Variants in POLA1 observed in about 807,000 individuals in gnomAD.
The protein encoded by POLA1 is DNA polymerase alpha 1, catalytic subunit, also known as DNA polymerase alpha catalytic subunit.
POLA1 carries 15 observed loss-of-function variants against 124.0 expected under a neutral mutation model. That is an observed-to-expected ratio of 0.12 (90% CI 0.08 to 0.19). POLA1 has a LOEUF of 0.19. Ranked by LOEUF, POLA1 falls within the 10% of genes least tolerant of loss-of-function variation. The probability of loss-of-function intolerance (pLI) is 1.00; values close to 1 mark genes in which losing one functional copy is unlikely to be tolerated. For synonymous variants in POLA1, 408 were observed against 389.4 expected (o/e 1.05, Z -0.56); for missense variants, 886 against 1,103.4 (o/e 0.80, Z 2.79).
chrX:24,929,299 C>A (rs2147211906), intron 35 of POLA1, among the ~76,000 whole-genome samples: 1 of 112,279 alleles, frequency 8.9e-6, no homozygotes, highest in African/African-American at 3.2e-5. Flanking sequence ...TCTGTGTGTG[C>A]CACCTGGCCT....
intron 29 of POLA1, 87 bp from the exon 30 acceptor site, chrX:24,814,892 A>G: frequency 4.9e-6 from 4 of 821,307 alleles, no homozygotes; most frequent in Non-Finnish European, 6.6e-6. Context: ...ATCTAATGGC[A>G]TTTCTCTTCC....
intron 1 of POLA1, among the ~76,000 whole-genome samples, chrX:24,697,862 C>T (rs762739740): frequency 1.8e-5 from 2 of 110,941 alleles, no homozygotes; most frequent in South Asian, 3.8e-4. Flanking sequence ...AGCCTAAACT[C>T]GTAGTTGACA....
chrX:24,890,132 G>C (rs1257459199), intron 35 of POLA1, among the ~76,000 whole-genome samples: 1 of 106,959 alleles, frequency 9.3e-6, no homozygotes, highest in Non-Finnish European at 1.9e-5. Context: ...CTGTTGCCCA[G>C]GCTGGAATGC....
At chrX:24,742,668 A>C (rs1569291983) in intron 22 of POLA1, among the ~76,000 whole-genome samples, 2 of 111,842 alleles carry the variant, frequency 1.8e-5, no homozygotes, top group Non-Finnish European at 3.8e-5. Context: ...CTTGTTTTTT[A>C]ATGTACATTA....
chrX:24,818,647 A>G (rs2046034687), intron 30 of POLA1, among the ~76,000 whole-genome samples: 1 of 112,316 alleles, frequency 8.9e-6, no homozygotes, highest in Non-Finnish European at 1.9e-5. Flanking sequence ...CTCGATATTT[A>G]GTGTGTTAGA....
intron 26 of POLA1, among the ~76,000 whole-genome samples, chrX:24,803,771 C>CA (rs2045754514): frequency 9.2e-6 from 1 of 108,991 alleles, no homozygotes; most frequent in African/African-American, 3.3e-5. Flanking sequence ...TTCTACATGT[C>CA]AAAGTTGGAT....
At chrX:24,723,369 C>A in intron 11 of POLA1, 102 bp downstream of exon 11, 1 of 519,389 alleles carries the variant, frequency 1.9e-6, no homozygotes, top group South Asian at 3.0e-5. Flanking sequence ...TACAAATTCT[C>A]TACAATCCTG....
intron 36 of POLA1, among the ~76,000 whole-genome samples, chrX:24,992,008 C>T (rs761720131): frequency 4.8e-4 from 53 of 111,497 alleles, no homozygotes; most frequent in Non-Finnish European, 7.7e-4. Flanking sequence ...TATTTCTTTT[C>T]ATTTCTTACT....
chrX:24,957,794 G>A (rs964691155), intron 36 of POLA1, among the ~76,000 whole-genome samples: 2 of 110,861 alleles, frequency 1.8e-5, no homozygotes, highest in Non-Finnish European at 1.9e-5. Context: ...CAGAGAAGGG[G>A]CATGGCAGGA....
intron 34 of POLA1, among the ~76,000 whole-genome samples, chrX:24,873,189 T>C (rs1384410568): frequency 8.9e-6 from 1 of 111,927 alleles, no homozygotes; most frequent in East Asian, 2.8e-4. Context: ...GCTCCACTTA[T>C]TTTGGAAGAC....
At chrX:24,902,448 A>G (rs2047295784) in intron 35 of POLA1, among the ~76,000 whole-genome samples, 1 of 112,286 alleles carries the variant, frequency 8.9e-6, no homozygotes, top group Non-Finnish European at 1.9e-5. Context: ...TAGAAACAGT[A>G]GATTGAAGTT....
chrX:24,825,310 C>CA (rs780125361), intron 31 of POLA1, among the ~76,000 whole-genome samples: 183 of 112,190 alleles, frequency 1.6e-3, no homozygotes, highest in Non-Finnish European at 2.8e-3. Flanking sequence ...GGTTGATAAA[C>CA]AGGCCCAGGT....
chrX:24,737,078 A>T (rs1334221918), intron 18 of POLA1, among the ~76,000 whole-genome samples: 1 of 111,624 alleles, frequency 9.0e-6, no homozygotes, highest in African/African-American at 3.3e-5. Context: ...CAAGTTTCTT[A>T]TTTGAACTAT....
chrX:24,949,965 C>G (rs2048014644), intron 36 of POLA1, among the ~76,000 whole-genome samples: 3 of 110,811 alleles, frequency 2.7e-5, no homozygotes, highest in Admixed American at 9.6e-5. Context: ...AACTCCTGAC[C>G]TTGTGATCCG....
chrX:24,934,501 T>C (rs1189358467), intron 36 of POLA1, among the ~76,000 whole-genome samples: 1 of 112,475 alleles, frequency 8.9e-6, no homozygotes, highest in Non-Finnish European at 1.9e-5. Flanking sequence ...CTTCAGTGTT[T>C]GATCTTTCTT....
intron 36 of POLA1, among the ~76,000 whole-genome samples, chrX:24,974,102 G>A (rs1331777411): frequency 9.0e-6 from 1 of 110,767 alleles, no homozygotes; most frequent in African/African-American, 3.3e-5. Flanking sequence ...AGTATTTATT[G>A]GACACATGGG....
intron 13 of POLA1, 94 bp from the exon 14 acceptor site, chrX:24,726,839 A>G: frequency 1.5e-6 from 1 of 646,496 alleles, no homozygotes. Flanking sequence ...TCTGTGCTTC[A>G]TAGAGAGGCT....
At chrX:24,930,849 AGT>A (rs2047766087) in intron 36 of POLA1, among the ~76,000 whole-genome samples, 1 of 112,640 alleles carries the variant, frequency 8.9e-6, no homozygotes, top group Non-Finnish European at 1.9e-5. Context: ...TACAGAGTTT[AGT>A]AACTGTAATA....
chrX:24,913,825 C>T (rs923997778), intron 35 of POLA1, among the ~76,000 whole-genome samples: 2 of 109,770 alleles, frequency 1.8e-5, no homozygotes, highest in Non-Finnish European at 3.8e-5. Flanking sequence ...ATCGGGAGTT[C>T]GAGACCAACG....
Sources: gnomAD v4.1 joint callset for allele counts (sites outside exome capture counted in the v4.1 genomes callset) on GRCh38, gnomAD v4.1.1 for gene constraint, MANE v1.5 for transcripts, NCBI Gene and HGNC (gene_info 2026-07-23, HGNC 2026-07-21) for gene names.